Variants in SYTL3 observed in about 807,000 individuals in gnomAD.
SYTL3 encodes synaptotagmin like 3.
A neutral mutation model predicts 82.1 loss-of-function variants in SYTL3; 88 were observed. That is an observed-to-expected ratio of 1.07 (90% CI 0.90 to 1.28). SYTL3 has a LOEUF of 1.28. SYTL3 is among the 50% of genes most tolerant of loss of function. The pLI is 0.00. For synonymous variants in SYTL3, 311 were observed against 289.4 expected, an observed-to-expected ratio of 1.07 and a Z score of -0.76; for missense variants, 831 against 757.6, an observed-to-expected ratio of 1.10 and a Z score of -1.14.
intron 6 of SYTL3, among the ~76,000 whole-genome samples, chr6:158,685,381 T>G (rs1416222555): frequency 3.3e-5 from 5 of 152,040 alleles, no homozygotes; most frequent in African/African-American, 1.2e-4. Context: ...TCTGACTAAT[T>G]TTTGTATTTT....
Position 158,665,437 on chromosome 6 carries a change from G to T in SYTL3, c.153G>T (p.Ala51=), listed in dbSNP as rs117270415. The change falls in exon 5 of 18, where the codon GCG becomes GCT. Residue 51 remains alanine, a synonymous_variant. Transcript: ENST00000611299. ...TGCAGCATCTCCGGTGGAAAGGAGCGAAGAACACGGACTGGGAGCACAAAG... is the reference window on the plus strand; with the variant it reads ...TGCAGCATCTCCGGTGGAAAGGAGCTAAGAACACGGACTGGGAGCACAAAG... ...THLQHLRWKG[A]KNTDWEHKEK... The T allele has an allele frequency of 6.2e-7, 1 of 1,607,650 alleles. No homozygotes were observed. Among genetic ancestry groups the T allele is most frequent in the Non-Finnish European group, 8.5e-7 (1 of 1,177,026 alleles).
At chr6:158,711,942 A>G (rs1025137846) in intron 8 of SYTL3, among the ~76,000 whole-genome samples, 2 of 152,156 alleles carry the variant, frequency 1.3e-5, no homozygotes, top group African/African-American at 4.8e-5. Context: ...TATGACCTGT[A>G]TATTGGGCTG....
upstream of SYTL3, among the ~76,000 whole-genome samples, chr6:158,646,421 C>T (rs759010714): frequency 3.9e-5 from 6 of 152,232 alleles, no homozygotes; most frequent in Non-Finnish European, 7.3e-5. Flanking sequence ...CCTCCAGCCT[C>T]AGCCTCCCAA....
chr6:158,669,163 G>A (rs1777082889), intron 5 of SYTL3, among the ~76,000 whole-genome samples: 1 of 152,140 alleles, frequency 6.6e-6, no homozygotes, highest in African/African-American at 2.4e-5. Flanking sequence ...TTGTATGTTT[G>A]TTTTAGCTTC....
intron 6 of SYTL3, among the ~76,000 whole-genome samples, chr6:158,700,894 G>A (rs1413553195): frequency 6.6e-6 from 1 of 152,182 alleles, no homozygotes; most frequent in African/African-American, 2.4e-5. Flanking sequence ...GGGATTACAG[G>A]CATGAGCCAC....
intron 14 of SYTL3, among the ~76,000 whole-genome samples, chr6:158,758,360 C>T (rs1789423062): frequency 6.6e-6 from 1 of 151,808 alleles, no homozygotes; most frequent in Non-Finnish European, 1.5e-5. Flanking sequence ...ATCACTTGAA[C>T]CTGGGAGGCA....
intron 6 of SYTL3, among the ~76,000 whole-genome samples, chr6:158,698,421 G>A (rs1170648686): frequency 6.7e-6 from 1 of 150,176 alleles, no homozygotes; most frequent in Admixed American, 6.6e-5. Flanking sequence ...AAAGGCTCTG[G>A]ACTCCTGCTC....
At chr6:158,685,705 C>G (rs1429920239) in intron 6 of SYTL3, among the ~76,000 whole-genome samples, 2 of 152,098 alleles carry the variant, frequency 1.3e-5, no homozygotes, top group Non-Finnish European at 2.9e-5. Flanking sequence ...GTAATCCCAG[C>G]TACTCGGGAG....
intron 5 of SYTL3, among the ~76,000 whole-genome samples, chr6:158,672,484 G>A (rs1777504013): frequency 6.6e-6 from 1 of 151,300 alleles, no homozygotes; most frequent in Admixed American, 6.6e-5. Context: ...GACAGCTGAT[G>A]CTAGTTTTAT....
rs147730042 is a variant in SYTL3, at chr6:158,699,177, G to A, written c.395-8053G>A. 1.2e-3 allele frequency among the ~76,000 whole-genome samples: 190 copies of A among 152,290 alleles called. 3 individuals are homozygous for A. In the East Asian group the frequency reaches 0.021, roughly 17 times the overall value. On this transcript the variant is annotated intron_variant, in intron 6 of 17. Coordinates refer to ENST00000611299, the MANE Select transcript of SYTL3 (RefSeq NM_001242394.2). ...GACCTGAAAACCCTCAGCCAGCTACGAGCAACACGACTTGGCGGGCTGATG... is the reference window on the plus strand; with the variant it reads ...GACCTGAAAACCCTCAGCCAGCTACAAGCAACACGACTTGGCGGGCTGATG...
chr6:158,708,925 C>T (rs1452476649), intron 8 of SYTL3, among the ~76,000 whole-genome samples: 2 of 152,202 alleles, frequency 1.3e-5, no homozygotes, highest in South Asian at 4.1e-4. Context: ...CCAATACGCC[C>T]AAAGTAAATT....
At chr6:158,646,660 C>T (rs539969715), upstream of SYTL3, among the ~76,000 whole-genome samples, 10 of 152,334 alleles carry the variant, frequency 6.6e-5, no homozygotes, top group South Asian at 2.1e-3. Context: ...AGCGAGGAGA[C>T]TTGCTGGGCA....
Position 158,763,356 on chromosome 6 carries a change from A to G in SYTL3, c.1570A>G (p.Arg524Gly). 3 of 1,614,232 alleles carry G rather than the reference A, an allele frequency of 1.9e-6. No homozygotes were observed. The highest frequency in any genetic ancestry group is 2.5e-6 in the Non-Finnish European group (3 of 1,180,050). The change falls in exon 17 of 18, where the codon AGG becomes GGG. Residue 524 changes from arginine (R) to glycine (G), a missense_variant. By Grantham distance (125) the Arg-to-Gly change is moderately radical. Transcript: ENST00000611299. ...QKLRLKSPVL[R>G]KQACPQWKHS... Reference sequence around the variant, plus strand: ...ACTGAGACTGAAGTCGCCAGTCCTGAGGAAGCAGGCTTGCCCCCAGTGGAA... The same window carrying G: ...ACTGAGACTGAAGTCGCCAGTCCTGGGGAAGCAGGCTTGCCCCCAGTGGAA...
At chr6:158,727,961 T>C (rs1784938727) in intron 11 of SYTL3, among the ~76,000 whole-genome samples, 1 of 152,164 alleles carries the variant, frequency 6.6e-6, no homozygotes, top group African/African-American at 2.4e-5. Context: ...GGAAGTGATA[T>C]TTTACTTAGG....
At chr6:158,688,146 A>G (rs1447870024) in intron 6 of SYTL3, among the ~76,000 whole-genome samples, 3 of 152,356 alleles carry the variant, frequency 2.0e-5, no homozygotes, top group South Asian at 2.1e-4. Flanking sequence ...CACCAAATAT[A>G]TGCACTATAG....
intron 2 of SYTL3, among the ~76,000 whole-genome samples, chr6:158,654,874 G>A (rs930483919): frequency 1.3e-5 from 2 of 152,214 alleles, no homozygotes; most frequent in African/African-American, 4.8e-5. Flanking sequence ...TGGTGCTGTG[G>A]TGTGGGATTT....
intron 14 of SYTL3, among the ~76,000 whole-genome samples, chr6:158,758,445 A>AAAAAAACCCAGCGG (rs1789444390): frequency 6.6e-6 from 1 of 151,820 alleles, no homozygotes; most frequent in African/African-American, 2.4e-5. Flanking sequence ...TCAAAAAAAA[A>AAAAAAACCCAGCGG]AAAAAAACCC....
At position 158,665,649 on chromosome 6, in the gene SYTL3, T is replaced by C. The variant is rs774714055; in HGVS notation, c.329+36T>C. ...CCGGTGGTTGGATCCCTCCCACTGA[T>C]TCAGGTCTCGGAGGAGGCCTCTTTA... On this transcript the variant is annotated intron_variant, in intron 5 of 17. Transcript: ENST00000611299. 1.1e-5 allele frequency: 17 copies of C among 1,486,140 alleles called. No individual in the cohort carries two copies. In the South Asian group the frequency reaches 2.2e-4, roughly 19 times the overall value. The allele number at this position is 1,486,140 out of a possible 1,614,324, so 92.1% of individuals were successfully genotyped here. A position where few individuals can be genotyped will look rare whatever the true frequency, so the allele number is the denominator to read the frequency against.
intron 5 of SYTL3, among the ~76,000 whole-genome samples, chr6:158,677,705 C>CA (rs56865775): frequency 0.066 from 4,425 of 67,444 alleles, 204 homozygotes; most frequent in Non-Finnish European, 0.1. Context: ...AACTCTGTCT[C>CA]AAAAAAAAAA....
Sources: allele counts gnomAD v4.1 joint callset (sites outside exome capture counted in the v4.1 genomes callset), GRCh38; gene constraint gnomAD v4.1.1; transcripts MANE v1.5; gene names NCBI Gene and HGNC (gene_info 2026-07-23, HGNC 2026-07-21).